RIPOR3: variants seen among roughly 807,000 people sequenced by gnomAD.
The protein encoded by RIPOR3 is RIPOR family member 3, also known as family with sequence similarity 65 member C.
RIPOR3 carries 95 observed loss-of-function variants against 114.3 expected under a neutral mutation model. The observed-to-expected ratio is 0.83, with a 90% CI of 0.70 to 0.99. The LOEUF (loss-of-function observed/expected upper bound fraction) is 0.99. Among genes scored for constraint, RIPOR3 ranks in the 50% least tolerant of loss-of-function variants. The pLI is 0.00. For missense variants in RIPOR3, 1,252 were observed against 1,266.9 expected (o/e 0.99, Z 0.18); for synonymous variants, 575 against 543.8 (o/e 1.06, Z -0.80).
At chr20:50,606,902 G>A (rs576925364) in intron 11 of RIPOR3, among the ~76,000 whole-genome samples, 92 of 152,100 alleles carry the variant, frequency 6.0e-4, no homozygotes, top group African/African-American at 2.2e-3. Context: ...GCTAATTTTT[G>A]TGTTTTTAGT....
intron 1 of RIPOR3, among the ~76,000 whole-genome samples, chr20:50,675,184 G>T (rs947815208): frequency 1.3e-5 from 2 of 152,142 alleles, no homozygotes; most frequent in African/African-American, 4.8e-5. Flanking sequence ...GGCAAGAAAG[G>T]ATTCTTCCTT....
rs376112149 is a variant in RIPOR3, at chr20:50,633,936, CACATATTT to C, written c.4-3088_4-3081del. 1.6e-3 allele frequency among the ~76,000 whole-genome samples: 240 copies of C among 151,608 alleles called. 1 individual carries two copies. The highest frequency in any genetic ancestry group is 5.6e-3 in the African/African-American group (233 of 41,368). On this transcript the variant is annotated intron_variant, in intron 1 of 21. Transcript: ENST00000327979. The stretch of plus-strand genomic sequence containing the variant: ...AGAGGTGAGAGGCGACTCAGGGACA[CACATATTT>C]CTTTCTTTATTTCCTTTTCCTTCTT...
At chr20:50,595,999 GGA>G in intron 15 of RIPOR3, 139 bp downstream of exon 15, 1 of 1,229,630 alleles carries the variant, frequency 8.1e-7, no homozygotes, top group Non-Finnish European at 1.1e-6. Context: ...CTTCCACTGG[GGA>G]ATAGCTTCAG....
At chr20:50,589,547 T>A in intron 20 of RIPOR3, 139 bp downstream of exon 20, 1 of 811,004 alleles carries the variant, frequency 1.2e-6, no homozygotes, top group Non-Finnish European at 1.9e-6. Flanking sequence ...CTGCCTGCCT[T>A]GGCCTCCCAA....
At chr20:50,680,265 G>A (rs1387516220) in intron 1 of RIPOR3, among the ~76,000 whole-genome samples, 2 of 152,218 alleles carry the variant, frequency 1.3e-5, no homozygotes, top group Non-Finnish European at 2.9e-5. Context: ...GGGGCCCACT[G>A]ATTATTTTTA....
rs375758598 is a variant in RIPOR3, at chr20:50,633,980, CTTTTTTT to C, written c.4-3131_4-3125del. On this transcript the variant is annotated intron_variant, in intron 1 of 21. Transcript: ENST00000327979. ...TTCCTTTTCCTTCTTTCTTTCTTTT[CTTTTTTT>C]TTTTTTTTTTTTTAGACAGGGTCTG... is the stretch of plus-strand genomic sequence containing the variant. Among the ~76,000 whole-genome samples, 775 of 131,048 alleles carry C rather than the reference CTTTTTTT, an allele frequency of 5.9e-3. 1 individual carries two copies. The highest frequency in any genetic ancestry group is 0.012 in the Middle Eastern group (3 of 248). The allele number at this position is 131,048 out of a possible 152,430, so 86.0% of individuals were successfully genotyped here. A position where few individuals can be genotyped will look rare whatever the true frequency, so the allele number is the denominator to read the frequency against.
At chr20:50,686,509 G>T (rs182221066) in intron 1 of RIPOR3, among the ~76,000 whole-genome samples, 6 of 152,106 alleles carry the variant, frequency 3.9e-5, no homozygotes, top group Admixed American at 1.3e-4. Flanking sequence ...AGCACTTTTG[G>T]AGGCCTACGC....
chr20:50,626,106 A>G (rs2084610706), intron 2 of RIPOR3, among the ~76,000 whole-genome samples: 3 of 152,222 alleles, frequency 2.0e-5, no homozygotes, highest in Non-Finnish European at 1.5e-5. Context: ...TCGGGTTACC[A>G]GGGAACAAGG....
At chr20:50,604,461 G>A (rs1046300935) in intron 12 of RIPOR3, among the ~76,000 whole-genome samples, 184 bp downstream of exon 12, 3 of 152,216 alleles carry the variant, frequency 2.0e-5, no homozygotes, top group Non-Finnish European at 4.4e-5. Flanking sequence ...CCAGAACCCA[G>A]GCTAGGTTGG....
intron 1 of RIPOR3, among the ~76,000 whole-genome samples, chr20:50,655,399 G>T (rs1016641908): frequency 6.6e-6 from 1 of 152,332 alleles, no homozygotes; most frequent in East Asian, 1.9e-4. Context: ...TGCCCAGTGG[G>T]TGAAAGCAGC....
At chr20:50,652,829 T>G (rs190468329) in intron 1 of RIPOR3, among the ~76,000 whole-genome samples, 12 of 152,292 alleles carry the variant, frequency 7.9e-5, no homozygotes, top group Non-Finnish European at 1.6e-4. Context: ...GAAACCCTGG[T>G]ACGCTACTGG....
chr20:50,637,016 G>A (rs528592734), intron 1 of RIPOR3: 63 of 727,128 alleles, frequency 8.7e-5, no homozygotes, highest in East Asian at 1.3e-4. Flanking sequence ...CTTTGGTTTC[G>A]CATGAAAGGA....
At chr20:50,608,275 A>C in intron 11 of RIPOR3, 114 bp downstream of exon 11, 1 of 1,470,052 alleles carries the variant, frequency 6.8e-7, no homozygotes, top group Non-Finnish European at 9.2e-7. Flanking sequence ...AGGACCCGTG[A>C]GGGCAGGGAC....
chr20:50,666,523 C>G (rs1255340339), intron 1 of RIPOR3, among the ~76,000 whole-genome samples: 2 of 151,064 alleles, frequency 1.3e-5, no homozygotes, highest in Non-Finnish European at 3.0e-5. Context: ...CACGCCCAGC[C>G]TAGGACACCC....
At chr20:50,687,038 C>T (rs777268998) in intron 1 of RIPOR3, among the ~76,000 whole-genome samples, 2 of 152,192 alleles carry the variant, frequency 1.3e-5, no homozygotes, top group African/African-American at 4.8e-5. Context: ...TTGGCTTAGC[C>T]GTTCCTCTGA....
Position 50,609,639 on chromosome 20 carries a change from G to T in RIPOR3, c.510C>A (p.Cys170Ter), listed in dbSNP as rs965804103. The T allele has an allele frequency of 2.1e-6, 3 of 1,399,638 alleles. No individual in the cohort carries two copies. The highest frequency in any genetic ancestry group is 3.0e-5 in the African/African-American group (2 of 65,914). The allele number at this position is 1,399,638 out of a possible 1,614,324, so 86.7% of individuals were successfully genotyped here. ...TCTCTCGGGCTGCGCGGCTCGGGGG[G>T]CACCGGGCGAAGGCCCGCTGCATGC... is the stretch of plus-strand genomic sequence containing the variant. ...ASSMQRAFARCPPSRAARESL... is the reference protein window; with the variant it reads ...ASSMQRAFAR Residue 170 changes from cysteine to a stop codon, truncating the protein, a stop_gained, in exon 7 of 22, where the codon TGC (cysteine) becomes TGA (stop). Transcript: ENST00000327979. LOFTEE classifies it high-confidence loss of function.
chr20:50,597,636 G>C lies in RIPOR3; in HGVS notation c.1734C>G (p.Leu578=), dbSNP rs371507723. The C allele has an allele frequency of 3.7e-6, 6 of 1,612,198 alleles. No individual in the cohort carries two copies. In the African/African-American group the frequency reaches 8.0e-5, roughly 22 times the overall value. The change falls in exon 14 of 22, where the codon CTC becomes CTG. Residue 578 remains leucine (L), a synonymous_variant. Coordinates refer to ENST00000327979, the MANE Select transcript of RIPOR3 (RefSeq NM_001290268.2). ...MECILESFAF[L]NADFALDELS... ...GCTCATCCAGGGCGAAGTCGGCATT[G>C]AGGAAGGCGAAGCTCTCCAGGATGC...
At chr20:50,618,347 G>A (rs117471140) in intron 3 of RIPOR3, among the ~76,000 whole-genome samples, 7,123 of 149,960 alleles carry the variant, frequency 0.047, 230 homozygotes, top group Middle Eastern at 0.11. Context: ...ACTATATCTG[G>A]GGAAAATCAC....
intron 4 of RIPOR3, among the ~76,000 whole-genome samples, chr20:50,615,207 C>T (rs2084124612): frequency 6.7e-6 from 1 of 150,244 alleles, no homozygotes; most frequent in African/African-American, 2.5e-5. Context: ...CCTTGGGCAA[C>T]ACAGGGCCCA....
Sources: gnomAD v4.1 joint callset for allele counts (sites outside exome capture counted in the v4.1 genomes callset) on GRCh38, gnomAD v4.1.1 for gene constraint, MANE v1.5 for transcripts, NCBI Gene and HGNC (gene_info 2026-07-23, HGNC 2026-07-21) for gene names.